TMTC2: variants seen among roughly 807,000 people sequenced by gnomAD.
TMTC2 encodes the protein protein O-mannosyl-transferase TMTC2.
A neutral mutation model predicts 82.4 loss-of-function variants in TMTC2; 43 were observed. That is an observed-to-expected ratio of 0.52 (90% confidence interval 0.41 to 0.67). The LOEUF (loss-of-function observed/expected upper bound fraction) is 0.67. Ranked by LOEUF, TMTC2 falls within the 30% of genes least tolerant of loss-of-function variation. The pLI is 0.00. For missense variants in TMTC2, 919 were observed against 1,012.4 expected (o/e 0.91, Z 1.25); for synonymous variants, 408 against 381.9 (o/e 1.07, Z -0.80).
intron 1 of TMTC2, among the ~76,000 whole-genome samples, chr12:82,774,626 A>G (rs1384752131): frequency 6.7e-6 from 1 of 149,870 alleles, no homozygotes; most frequent in East Asian, 1.9e-4. Flanking sequence ...CTCAAAAAAA[A>G]AGAACAATTT....
chr12:83,038,477 T>G (rs1881758140), intron 9 of TMTC2, among the ~76,000 whole-genome samples: 1 of 152,146 alleles, frequency 6.6e-6, no homozygotes, highest in African/African-American at 2.4e-5. Flanking sequence ...TCAGCAAAGA[T>G]AGTAATTGAG....
At chr12:83,124,827 A>G (rs551384918) in intron 11 of TMTC2, among the ~76,000 whole-genome samples, 2 of 152,292 alleles carry the variant, frequency 1.3e-5, no homozygotes, top group Non-Finnish European at 2.9e-5. Flanking sequence ...CGTTTTAGAA[A>G]GACAAATATT....
chr12:82,805,131 A>C (rs1879182947), intron 1 of TMTC2, among the ~76,000 whole-genome samples: 2 of 152,118 alleles, frequency 1.3e-5, no homozygotes, highest in Non-Finnish European at 2.9e-5. Flanking sequence ...GCAACGTAGA[A>C]CTTTCAAAAA....
At chr12:82,769,524 T>G (rs1877170763) in intron 1 of TMTC2, among the ~76,000 whole-genome samples, 1 of 151,972 alleles carries the variant, frequency 6.6e-6, no homozygotes, top group African/African-American at 2.4e-5. Context: ...TGCTGAACAA[T>G]TATGACAACA....
At chr12:82,837,790 T>C (rs1444258157) in intron 1 of TMTC2, among the ~76,000 whole-genome samples, 1 of 152,186 alleles carries the variant, frequency 6.6e-6, no homozygotes, top group Non-Finnish European at 1.5e-5. Context: ...TGCTGCTTTA[T>C]TGTGTATTAT....
At chr12:82,714,109 AT>A (rs1287518574) in intron 1 of TMTC2, among the ~76,000 whole-genome samples, 1 of 152,236 alleles carries the variant, frequency 6.6e-6, no homozygotes, top group Non-Finnish European at 1.5e-5. Flanking sequence ...ATATTGTGTA[AT>A]TCCATTTGTT....
intron 10 of TMTC2, among the ~76,000 whole-genome samples, chr12:83,056,447 T>C (rs1186173614): frequency 1.3e-5 from 2 of 151,984 alleles, no homozygotes; most frequent in Non-Finnish European, 2.9e-5. Flanking sequence ...TTTTAATTTT[T>C]ATATTCAAAT....
intron 1 of TMTC2, among the ~76,000 whole-genome samples, chr12:82,810,981 G>A (rs1868364777): frequency 6.6e-6 from 1 of 152,110 alleles, no homozygotes; most frequent in South Asian, 2.1e-4. Flanking sequence ...TGTAATCCTA[G>A]CACTTTGGGA....
At position 82,754,691 on chromosome 12, in the gene TMTC2, T is replaced by C. The variant is rs139871361; in HGVS notation, c.83+67022T>C. 2.6e-5 allele frequency among the ~76,000 whole-genome samples: 4 copies of C among 152,184 alleles called. No individual in the cohort carries two copies. The East Asian group carries it at 7.7e-4, about 29-fold the overall frequency. On this transcript the variant is annotated intron_variant, in intron 1 of 11. Coordinates refer to ENST00000321196, the MANE Select transcript of TMTC2 (RefSeq NM_152588.3). ...GGCAGAGTTTGCAGTGAGCTGATAT[T>C]GTGTCACTACCCTCCAGCCTGGGGG...
chr12:82,730,208 T>C (rs1451994620), intron 1 of TMTC2, among the ~76,000 whole-genome samples: 1 of 149,200 alleles, frequency 6.7e-6, no homozygotes, highest in East Asian at 2.0e-4. Flanking sequence ...GGCAGGAGAA[T>C]CGCTTGAACC....
intron 8 of TMTC2, among the ~76,000 whole-genome samples, chr12:83,007,695 A>G (rs1031352424): frequency 1.3e-5 from 2 of 152,052 alleles, no homozygotes; most frequent in East Asian, 3.9e-4. Flanking sequence ...CAAATATTTT[A>G]TTTACCTTCA....
intron 11 of TMTC2, among the ~76,000 whole-genome samples, chr12:83,117,156 T>G (rs1398225855): frequency 1.3e-5 from 2 of 152,184 alleles, no homozygotes. Context: ...GCTAGCCAAT[T>G]ATCCCAGCAC....
chr12:82,928,277 A>T (rs1037272203), intron 3 of TMTC2, among the ~76,000 whole-genome samples: 3 of 152,144 alleles, frequency 2.0e-5, no homozygotes, highest in South Asian at 4.1e-4. Context: ...CAATGTAAAT[A>T]TATTCTCATT....
chr12:82,965,780 C>T (rs753576935), intron 6 of TMTC2, 36 bp downstream of exon 6: 3 of 1,610,798 alleles, frequency 1.9e-6, no homozygotes, highest in Admixed American at 1.7e-5. Context: ...TTCCCTCCCC[C>T]TTGTTCTGAT....
chr12:82,744,572 C>G, intron 1 of TMTC2, among the ~76,000 whole-genome samples: 1 of 108,088 alleles, frequency 9.3e-6, no homozygotes, highest in Non-Finnish European at 1.8e-5. Context: ...GCGACAGAGA[C>G]TCTGACTCTA....
chr12:82,776,071 T>C (rs1463214198), intron 1 of TMTC2, among the ~76,000 whole-genome samples: 2 of 152,130 alleles, frequency 1.3e-5, no homozygotes, highest in Non-Finnish European at 2.9e-5. Context: ...TGTATATGTA[T>C]ACAGTGTCCC....
At chr12:82,940,106 C>T (rs1368667421) in intron 4 of TMTC2, among the ~76,000 whole-genome samples, 2 of 150,458 alleles carry the variant, frequency 1.3e-5, no homozygotes, top group African/African-American at 4.9e-5. Flanking sequence ...CAGCAACCTC[C>T]GCCTCCCGCG....
At chr12:82,765,814 AAAG>A (rs1194074617) in intron 1 of TMTC2, among the ~76,000 whole-genome samples, 7 of 152,224 alleles carry the variant, frequency 4.6e-5, no homozygotes, top group Admixed American at 3.3e-4. Context: ...CAGAAAAAGA[AAAG>A]AAGAAAAGGA....
intron 2 of TMTC2, among the ~76,000 whole-genome samples, chr12:82,867,322 A>T (rs995450047): frequency 6.6e-5 from 10 of 152,210 alleles, no homozygotes; most frequent in African/African-American, 2.2e-4. Flanking sequence ...TCAGGAATCA[A>T]ATAAAATGCA....
Sources: gnomAD v4.1 joint callset for allele counts (sites outside exome capture counted in the v4.1 genomes callset) on GRCh38, gnomAD v4.1.1 for gene constraint, MANE v1.5 for transcripts, NCBI Gene and HGNC (gene_info 2026-07-23, HGNC 2026-07-21) for gene names.